Variants in LPIN1 observed in about 807,000 individuals in gnomAD.
LPIN1 encodes phosphatidate phosphatase LPIN1.
Under a neutral mutation model 107.5 loss-of-function variants are expected in LPIN1, and 71 were observed. That is an observed-to-expected ratio of 0.66 (90% CI 0.55 to 0.80). The LOEUF (loss-of-function observed/expected upper bound fraction) is 0.80. Among genes scored for constraint, LPIN1 ranks in the 30% least tolerant of loss-of-function variants. LPIN1 has a pLI of 0.00. For synonymous variants in LPIN1, 445 were observed against 452.6 expected, an observed-to-expected ratio of 0.98 and a Z score of 0.21; for missense variants, 1,043 against 1,160.6, an observed-to-expected ratio of 0.90 and a Z score of 1.47.
At position 11,821,593 on chromosome 2, in the gene LPIN1, G is replaced by C. The variant is rs187969022; in HGVS notation, c.2621+1079G>C. Among the ~76,000 whole-genome samples the C allele has an allele frequency of 3.6e-3, 549 of 152,346 alleles. 1 individual carries two copies. Among genetic ancestry groups the C allele is most frequent in the Non-Finnish European group, 6.4e-3 (436 of 68,042 alleles). The stretch of plus-strand genomic sequence containing the variant: ...CCTCTTTATCTGGAGGAGTTAGACT[G>C]GGGGAGTTTGGTTCTAGGAGATTCC... On this transcript the variant is annotated intron_variant, in intron 20 of 20. Coordinates refer to ENST00000674199, the MANE Select transcript of LPIN1 (RefSeq NM_001349206.2).
Position 11,697,217 on chromosome 2 carries a change from C to T in LPIN1, c.82-16539C>T, listed in dbSNP as rs535189622. 2.5e-4 allele frequency among the ~76,000 whole-genome samples: 38 copies of T among 152,326 alleles called. No individual in the cohort carries two copies. Among genetic ancestry groups the T allele is most frequent in the African/African-American group, 8.9e-4 (37 of 41,588 alleles). On this transcript the variant is annotated intron_variant, in intron 1 of 21. Coordinates refer to the LPIN1 transcript ENST00000449576. This position sits in a 1 kb window ranked among gnomAD's most constrained non-coding sequence, Gnocchi z 4.6. ...CCACTCAAATAGGCAGCCCTGCAAT[C>T]GGAGGGCTGCGTGCTCCCCCTGATC...
chr2:11,688,942 G>C (rs1266674989), intron 1 of LPIN1, among the ~76,000 whole-genome samples: 1 of 152,202 alleles, frequency 6.6e-6, no homozygotes, highest in Non-Finnish European at 1.5e-5. Flanking sequence ...TACCCAATTA[G>C]AAATGCCCAC....
In LPIN1 at chr2:11,779,635, A is replaced by G. The variant is rs781033652; in HGVS notation, c.947A>G (p.Gln316Arg). 6.2e-7 allele frequency: 1 copy of G among 1,613,996 alleles called. No individual in the cohort carries two copies. Among genetic ancestry groups the G allele is most frequent in the South Asian group, 1.1e-5 (1 of 91,088 alleles). The change falls in exon 7 of 21, where the codon CAG becomes CGG. Residue 316 changes from glutamine (Q) to arginine (R), a missense_variant. Physicochemically the swap from Gln to Arg is conservative, Grantham distance 43. Coordinates refer to ENST00000674199, the MANE Select transcript of LPIN1 (RefSeq NM_001349206.2). ...EMLWLWGELP[Q>R]AAKSSSPHKM... is the part of the protein sequence containing the mutation. ...CTTTGGCTGTGGGGAGAGCTGCCGC[A>G]GGCTGCTAAGGTGAGAGTCTCTTCA...
chr2:11,797,454 G>A (rs1010369895), intron 14 of LPIN1, among the ~76,000 whole-genome samples: 1 of 152,236 alleles, frequency 6.6e-6, no homozygotes. Context: ...GCTGAATGCA[G>A]GATGTCTGCC....
intron 1 of LPIN1, among the ~76,000 whole-genome samples, chr2:11,726,473 C>T (rs1277667807): frequency 6.6e-6 from 1 of 152,094 alleles, no homozygotes. Context: ...ACGCTCTCCC[C>T]CGCCCCCCAT....
Position 11,734,266 on chromosome 2 carries a change from C to T in LPIN1, c.-71-7083C>T, listed in dbSNP as rs375783000. ...GAGGGATGGATAATAGTAATAATAACGAGCATGAGGGACTCTAACCAATGA... is the reference window on the plus strand; with the variant it reads ...GAGGGATGGATAATAGTAATAATAATGAGCATGAGGGACTCTAACCAATGA... On this transcript the variant is annotated intron_variant, in intron 1 of 21. Coordinates refer to the LPIN1 transcript ENST00000396097. 3.3e-5 allele frequency among the ~76,000 whole-genome samples: 5 copies of T among 151,378 alleles called. No homozygotes were observed. The East Asian group carries it at 9.7e-4, about 29-fold the overall frequency.
At chr2:11,705,002 C>G (rs1222573087) in intron 1 of LPIN1, among the ~76,000 whole-genome samples, 2 of 152,212 alleles carry the variant, frequency 1.3e-5, no homozygotes, top group East Asian at 3.8e-4. Context: ...GTGGGAACTT[C>G]CACTGGTTAC....
chr2:11,796,453 G>T (rs969188165), intron 14 of LPIN1, among the ~76,000 whole-genome samples: 1 of 152,174 alleles, frequency 6.6e-6, no homozygotes, highest in African/African-American at 2.4e-5. Context: ...TGGGAGGCAG[G>T]TGGGAAATGA....
chr2:11,727,890 A>G (rs1247874210), intron 1 of LPIN1, among the ~76,000 whole-genome samples: 2 of 152,220 alleles, frequency 1.3e-5, no homozygotes, highest in Non-Finnish European at 2.9e-5. Flanking sequence ...AGGTCGACAA[A>G]TACAGCATTC....
At chr2:11,787,937 T>G (rs1488535526) in intron 11 of LPIN1, among the ~76,000 whole-genome samples, 1 of 141,556 alleles carries the variant, frequency 7.1e-6, no homozygotes, top group Admixed American at 6.8e-5. Context: ...CAAGACTCTG[T>G]CTCAAAAAAA....
At chr2:11,757,312 CTGCTTGATCACG>C (rs1668829043) in intron 1 of LPIN1, among the ~76,000 whole-genome samples, 1 of 152,194 alleles carries the variant, frequency 6.6e-6, no homozygotes, top group East Asian at 1.9e-4. Flanking sequence ...ATTCCCCTCA[CTGCTTGATCACG>C]TGTTTTAGCA....
intron 14 of LPIN1, among the ~76,000 whole-genome samples, chr2:11,798,849 A>G (rs1677182171): frequency 6.6e-6 from 1 of 152,150 alleles, no homozygotes; most frequent in Non-Finnish European, 1.5e-5. Context: ...CCGAAGTCCC[A>G]TAATTGAGCA....
intron 1 of LPIN1, among the ~76,000 whole-genome samples, chr2:11,729,280 G>A (rs1276754858): frequency 6.6e-6 from 1 of 152,136 alleles, no homozygotes; most frequent in Admixed American, 6.6e-5. Context: ...AAACCTGCAC[G>A]TTCTGCACAT....
intron 1 of LPIN1, among the ~76,000 whole-genome samples, chr2:11,764,955 C>T (rs1670545820): frequency 6.6e-6 from 1 of 152,170 alleles, no homozygotes; most frequent in South Asian, 2.1e-4. Context: ...GGGGTCAAGG[C>T]TCTCTGTGCT....
intron 14 of LPIN1, among the ~76,000 whole-genome samples, chr2:11,802,664 G>T (rs1019086831): frequency 3.3e-5 from 5 of 152,108 alleles, no homozygotes; most frequent in African/African-American, 1.2e-4. Flanking sequence ...AATAGTGGTG[G>T]TAGCTCATCA....
intron 1 of LPIN1, among the ~76,000 whole-genome samples, chr2:11,731,622 T>C (rs1235056987): frequency 6.6e-6 from 1 of 152,260 alleles, no homozygotes; most frequent in Non-Finnish European, 1.5e-5. Context: ...ATGGTATTTC[T>C]GGTTGTAGAT....
intron 2 of LPIN1, among the ~76,000 whole-genome samples, chr2:11,715,144 T>A (rs1383151471): frequency 6.6e-6 from 1 of 152,272 alleles, no homozygotes; most frequent in Non-Finnish European, 1.5e-5. Context: ...GTGACCCCCT[T>A]CACCTGTGGG....
Position 11,811,370 on chromosome 2 carries a change from T to C in LPIN1, c.2250-3718T>C, listed in dbSNP as rs538330415. Reference sequence around the variant, plus strand: ...CTGCCTGAGCATTTGGTGGGGCACTTGTTGGCATTGCAGACAGCTTTTGTT... The same window carrying C: ...CTGCCTGAGCATTTGGTGGGGCACTCGTTGGCATTGCAGACAGCTTTTGTT... On this transcript the variant is annotated intron_variant, in intron 17 of 20. Transcript: ENST00000674199. Among the ~76,000 whole-genome samples the C allele has an allele frequency of 2.0e-5, 3 of 152,324 alleles. No individual in the cohort carries two copies. The East Asian group carries it at 5.8e-4, about 29-fold the overall frequency.
intron 15 of LPIN1, among the ~76,000 whole-genome samples, chr2:11,804,149 A>G (rs1235001041): frequency 6.6e-6 from 1 of 152,138 alleles, no homozygotes; most frequent in Admixed American, 6.5e-5. Flanking sequence ...ATACTTGATC[A>G]AATTAGCACT....
Sources: gnomAD v4.1 joint callset for allele counts (sites outside exome capture counted in the v4.1 genomes callset) on GRCh38, gnomAD v4.1.1 for gene constraint, Gnocchi (gnomAD v3.1) non-coding constraint, MANE v1.5 for transcripts, NCBI Gene and HGNC (gene_info 2026-07-23, HGNC 2026-07-21) for gene names.